Variants in ENOX1 observed in about 807,000 individuals in gnomAD.
ENOX1 encodes candidate growth-related and time keeping constitutive hydroquinone (NADH) oxidase.
Under a neutral mutation model 82.5 loss-of-function variants are expected in ENOX1, and 42 were observed. That is an observed-to-expected ratio of 0.51 (90% CI 0.40 to 0.66). The LOEUF (loss-of-function observed/expected upper bound fraction) is 0.66. ENOX1 is among the 30% of genes least tolerant of loss of function. The pLI, the probability that ENOX1 is intolerant of heterozygous loss-of-function variation, is 0.00. For missense variants in ENOX1, 608 were observed against 811.6 expected (o/e 0.75, Z 3.05); for synonymous variants, 271 against 282.2 (o/e 0.96, Z 0.40).
In ENOX1 at chr13:43,213,386, TA is replaced by T. The variant is rs1314322782; in HGVS notation, c.*603del. On this transcript the variant is annotated 3_prime_UTR_variant, in exon 17 of 17. Transcript: ENST00000690772. ...AAAGCATTCTCAATGTGTCCAATCA[TA>T]TTTTCTGCCTCTTCAATAAGGCAAA... 1 of 152,156 alleles carries T rather than the reference TA, an allele frequency of 6.6e-6. No individual in the cohort carries two copies. The highest frequency in any genetic ancestry group is 2.4e-5 in the African/African-American group (1 of 41,462). The allele number at this position is 152,156 out of a possible 1,614,324, so 9.4% of individuals were successfully genotyped here. A position where few individuals can be genotyped will look rare whatever the true frequency, so the allele number is the denominator to read the frequency against.
intron 2 of ENOX1, among the ~76,000 whole-genome samples, chr13:43,590,890 C>CA (rs1002929722): frequency 1.1e-4 from 16 of 150,564 alleles, no homozygotes; most frequent in African/African-American, 3.7e-4. Context: ...CATAAGTGGT[C>CA]AAAAAAAAGT....
chr13:43,273,150 C>A (rs904832757), intron 12 of ENOX1, among the ~76,000 whole-genome samples: 2 of 152,192 alleles, frequency 1.3e-5, no homozygotes, highest in Non-Finnish European at 2.9e-5. Flanking sequence ...ACCCTTCCCA[C>A]CCCAACCAGT....
At chr13:43,458,757 T>C (rs1401402054) in intron 3 of ENOX1, among the ~76,000 whole-genome samples, 1 of 152,162 alleles carries the variant, frequency 6.6e-6, no homozygotes, top group African/African-American at 2.4e-5. Context: ...CAAAGAGTTC[T>C]GTGGTTAGAT....
chr13:43,327,105 C>G (rs1033169512), intron 9 of ENOX1, among the ~76,000 whole-genome samples: 2 of 152,134 alleles, frequency 1.3e-5, no homozygotes, highest in Non-Finnish European at 1.5e-5. Flanking sequence ...CTTTTTCCTC[C>G]CCCTGTTGCA....
intron 2 of ENOX1, among the ~76,000 whole-genome samples, chr13:43,605,598 T>A (rs191178609): frequency 4.6e-4 from 70 of 152,152 alleles, no homozygotes; most frequent in African/African-American, 1.7e-3. Context: ...CAACTGGATA[T>A]CCATATACAG....
intron 3 of ENOX1, among the ~76,000 whole-genome samples, chr13:43,427,146 A>G (rs2153611381): frequency 6.6e-6 from 1 of 152,270 alleles, no homozygotes; most frequent in South Asian, 2.1e-4. Flanking sequence ...TGATACATGT[A>G]ATGAGTTCAA....
chr13:43,228,008 T>C (rs1007544448), intron 15 of ENOX1, among the ~76,000 whole-genome samples: 2 of 151,726 alleles, frequency 1.3e-5, no homozygotes, highest in African/African-American at 2.4e-5. Flanking sequence ...GTCATGCCAC[T>C]TGAGAAAATG....
intron 1 of ENOX1, among the ~76,000 whole-genome samples, chr13:43,696,138 C>G (rs2086629915): frequency 6.6e-6 from 1 of 152,102 alleles, no homozygotes; most frequent in Non-Finnish European, 1.5e-5. Flanking sequence ...CCTTTTGATG[C>G]CAGAATAATA....
At chr13:43,542,897 T>C (rs2078805402) in intron 2 of ENOX1, among the ~76,000 whole-genome samples, 1 of 152,220 alleles carries the variant, frequency 6.6e-6, no homozygotes, top group Non-Finnish European at 1.5e-5. Flanking sequence ...GTCTCCTTGC[T>C]GAGTTCTCAC....
At chr13:43,247,719 T>C (rs368583519) in intron 14 of ENOX1, among the ~76,000 whole-genome samples, 30 of 147,366 alleles carry the variant, frequency 2.0e-4, no homozygotes, top group African/African-American at 7.3e-4. Context: ...AGTGCTGCCT[T>C]TCACCCTCAA....
At chr13:43,321,121 AT>A in intron 11 of ENOX1, 2 of 456,280 alleles carry the variant, frequency 4.4e-6, no homozygotes. Context: ...AAATGAATGA[AT>A]TTGAGGGTGA....
chr13:43,726,718 TTGTGTG>T (rs55918525), intron 1 of ENOX1, among the ~76,000 whole-genome samples: 2,069 of 144,758 alleles, frequency 0.014, 50 homozygotes, highest in African/African-American at 0.049. Flanking sequence ...GCATTGACTT[TTGTGTG>T]TGTGTGTGTG....
chr13:43,275,737 T>C lies in ENOX1; in HGVS notation c.1447-6160A>G, dbSNP rs372736394. 5.3e-5 allele frequency among the ~76,000 whole-genome samples: 8 copies of C among 152,230 alleles called. No homozygotes were observed. In the South Asian group the frequency reaches 1.7e-3, roughly 32 times the overall value. ...TGAGCTCCTGCTGTGTGCATGGTAC[T>C]GGGCTGGGCAATGTGAAAGATACAG... On this transcript the variant is annotated intron_variant, in intron 12 of 16. Coordinates refer to ENST00000690772, the MANE Select transcript of ENOX1 (RefSeq NM_001347969.2).
intron 11 of ENOX1, among the ~76,000 whole-genome samples, chr13:43,311,321 A>G (rs932925289): frequency 3.3e-5 from 5 of 151,776 alleles, no homozygotes; most frequent in African/African-American, 1.2e-4. Context: ...GTCCTTATCC[A>G]AAAAATGTAG....
intron 2 of ENOX1, among the ~76,000 whole-genome samples, chr13:43,542,892 C>G (rs943802616): frequency 3.9e-5 from 6 of 152,174 alleles, no homozygotes; most frequent in African/African-American, 1.4e-4. Flanking sequence ...CGGCTGTCTC[C>G]TTGCTGAGTT....
chr13:43,653,173 T>TCAC (rs895292251), intron 2 of ENOX1, among the ~76,000 whole-genome samples: 1 of 152,200 alleles, frequency 6.6e-6, no homozygotes, highest in Non-Finnish European at 1.5e-5. Flanking sequence ...CTGAAAAGAC[T>TCAC]CACCCCCAAG....
At chr13:43,454,259 A>T (rs1050303499) in intron 3 of ENOX1, among the ~76,000 whole-genome samples, 1 of 142,620 alleles carries the variant, frequency 7.0e-6, no homozygotes, top group South Asian at 2.2e-4. Context: ...AGGGGAAACT[A>T]TTTTTTTTTT....
At chr13:43,489,057 CTGTT>C (rs140693660) in intron 2 of ENOX1, among the ~76,000 whole-genome samples, 6,908 of 152,150 alleles carry the variant, frequency 0.045, 203 homozygotes, top group Non-Finnish European at 0.07. Context: ...GACCAAGTGA[CTGTT>C]TGGTAAGGAG....
At chr13:43,616,196 ATATATATATT>A (rs2082458402) in intron 2 of ENOX1, among the ~76,000 whole-genome samples, 1 of 16,798 alleles carries the variant, frequency 6.0e-5, no homozygotes, top group African/African-American at 7.8e-5. Flanking sequence ...CTATATATAT[ATATATATATT>A]TTTTTTTTTT....
Sources: allele counts gnomAD v4.1 joint callset (sites outside exome capture counted in the v4.1 genomes callset), GRCh38; gene constraint gnomAD v4.1.1; transcripts MANE v1.5; gene names NCBI Gene and HGNC (gene_info 2026-07-23, HGNC 2026-07-21).